EPB41L4A: variants seen among roughly 807,000 people sequenced by gnomAD.
EPB41L4A encodes the protein band 4.1-like protein 4A.
Under a neutral mutation model 108.6 loss-of-function variants are expected in EPB41L4A, and 100 were observed. That is an observed-to-expected ratio of 0.92 (90% CI 0.78 to 1.09). The LOEUF (loss-of-function observed/expected upper bound fraction) is 1.09. Ranked by LOEUF, EPB41L4A falls within the 50% of genes least tolerant of loss-of-function variation. The probability of loss-of-function intolerance (pLI) is 0.00; values close to 1 mark genes in which losing one functional copy is unlikely to be tolerated. For missense variants in EPB41L4A, 1,030 were observed against 842.7 expected (o/e 1.22, Z -2.75); for synonymous variants, 319 against 289.0 (o/e 1.10, Z -1.05).
At chr5:112,161,231 C>T (rs1759880542), downstream of EPB41L4A, 4 of 287,140 alleles carry the variant, frequency 1.4e-5, no homozygotes, top group Admixed American at 4.8e-5. Flanking sequence ...AACTTAAAAG[C>T]AGCGTGCCTG....
At chr5:112,179,658 A>G (rs1761047307) in intron 18 of EPB41L4A, among the ~76,000 whole-genome samples, 1 of 152,156 alleles carries the variant, frequency 6.6e-6, no homozygotes, top group Non-Finnish European at 1.5e-5. Context: ...CTCTTAGCAA[A>G]CTGGAAATAG....
chr5:112,371,492 A>C (rs1366686181), intron 1 of EPB41L4A, among the ~76,000 whole-genome samples: 2 of 152,146 alleles, frequency 1.3e-5, no homozygotes, highest in African/African-American at 4.8e-5. Context: ...TCCGTTCCTC[A>C]GAGGACTCAG....
At chr5:112,208,425 G>A (rs548661187) in intron 13 of EPB41L4A, among the ~76,000 whole-genome samples, 11 of 152,014 alleles carry the variant, frequency 7.2e-5, no homozygotes, top group African/African-American at 2.2e-4. Context: ...TGTCCTTTGC[G>A]GCAACACGGA....
intron 7 of EPB41L4A, among the ~76,000 whole-genome samples, chr5:112,261,550 T>C (rs1474784987): frequency 2.0e-5 from 3 of 152,216 alleles, no homozygotes; most frequent in Non-Finnish European, 2.9e-5. Context: ...CTCATTGACA[T>C]AGAATAATCA....
chr5:112,264,815 CATTCTAG>C, intron 6 of EPB41L4A, 74 bp downstream of exon 6: 1 of 1,358,954 alleles, frequency 7.4e-7, no homozygotes, highest in East Asian at 2.4e-5. Context: ...AAGAATTTAT[CATTCTAG>C]AAACTTTTCT....
chr5:112,214,683 G>A (rs568477421), intron 12 of EPB41L4A, among the ~76,000 whole-genome samples: 35 of 152,136 alleles, frequency 2.3e-4, no homozygotes, highest in Non-Finnish European at 3.2e-4. Context: ...GAAGAATGAC[G>A]TGAACTCAGG....
At chr5:112,410,057 G>A (rs1057250792) in intron 1 of EPB41L4A, among the ~76,000 whole-genome samples, 4 of 152,146 alleles carry the variant, frequency 2.6e-5, no homozygotes, top group African/African-American at 9.7e-5. Flanking sequence ...TCCGCATCAA[G>A]GAGAAGTCTT....
At chr5:112,390,796 G>C (rs1580813114) in intron 1 of EPB41L4A, among the ~76,000 whole-genome samples, 1 of 152,310 alleles carries the variant, frequency 6.6e-6, no homozygotes, top group Non-Finnish European at 1.5e-5. Flanking sequence ...CCTCCCAGTA[G>C]GGGCCAACTG....
intron 1 of EPB41L4A, among the ~76,000 whole-genome samples, chr5:112,390,877 G>A (rs997177695): frequency 5.3e-5 from 8 of 152,136 alleles, no homozygotes; most frequent in African/African-American, 1.9e-4. Context: ...AATATTTGCT[G>A]TTCTGCAATA....
At chr5:112,303,763 A>G (rs1754523918) in intron 2 of EPB41L4A, among the ~76,000 whole-genome samples, 1 of 152,164 alleles carries the variant, frequency 6.6e-6, no homozygotes, top group Non-Finnish European at 1.5e-5. Flanking sequence ...GCATGGTGAT[A>G]TGTTTAGGAA....
At chr5:112,266,009 A>C (rs913578617) in intron 5 of EPB41L4A, among the ~76,000 whole-genome samples, 11 of 152,338 alleles carry the variant, frequency 7.2e-5, no homozygotes, top group Non-Finnish European at 1.6e-4. Flanking sequence ...ATGCTATTCC[A>C]GTGACTAAAC....
chr5:112,142,245 C>A (rs1224591714), downstream of EPB41L4A, among the ~76,000 whole-genome samples: 4 of 152,308 alleles, frequency 2.6e-5, no homozygotes, highest in East Asian at 7.7e-4. Context: ...CACTGTCCTG[C>A]AGCTCTCTTT....
intron 4 of EPB41L4A, 69 bp downstream of exon 4, chr5:112,275,257 T>C (rs140839008): frequency 1.4e-6 from 2 of 1,470,678 alleles, no homozygotes; most frequent in East Asian, 5.2e-5. Flanking sequence ...CCAATTTTAA[T>C]TTGTTTTAAA....
intron 13 of EPB41L4A, among the ~76,000 whole-genome samples, chr5:112,145,198 G>T (rs191856626): frequency 2.6e-5 from 4 of 152,302 alleles, no homozygotes; most frequent in African/African-American, 9.6e-5. Context: ...GCTGAGGTGG[G>T]AGAATCACTT....
rs148979530 is a variant in EPB41L4A at position 112,400,768 on chromosome 5, T to C, written c.99+18173A>G. ...AATTTTGTTGTTCTAATTTAATGTA[T>C]GTTCATTTTGTATCCCCCACAACAG... On this transcript the variant is annotated intron_variant, in intron 1 of 22. Transcript: ENST00000261486. Among the ~76,000 whole-genome samples, 39 of 152,308 alleles carry C rather than the reference T, an allele frequency of 2.6e-4. No homozygotes were observed. In the East Asian group the frequency reaches 5.4e-3, roughly 21 times the overall value.
chr5:112,171,606 T>C (rs1760585759), intron 18 of EPB41L4A, among the ~76,000 whole-genome samples: 1 of 152,250 alleles, frequency 6.6e-6, no homozygotes, highest in African/African-American at 2.4e-5. Flanking sequence ...TCTGCAAATC[T>C]TTTCTCCAAG....
At chr5:112,300,588 C>G (rs1382226250) in intron 2 of EPB41L4A, among the ~76,000 whole-genome samples, 1 of 152,080 alleles carries the variant, frequency 6.6e-6, no homozygotes, top group East Asian at 1.9e-4. Context: ...GATTCTTTCC[C>G]TCATCTTAAC....
chr5:112,266,300 A>T lies in EPB41L4A; in HGVS notation c.366T>A (p.Asp122Glu), dbSNP rs1244549994. ...GACAGGGCAGACGGCCCTGAAGGAC[A>T]TCTTGCTTCACCTGCAAGAAAAACT... is the stretch of plus-strand genomic sequence containing the variant. ...RYQFFLQVKQ[D>E]VLQGRLPCPV... The change falls in exon 5 of 23, where the codon GAT becomes GAA. Residue 122 changes from aspartate (D) to glutamate (E), a missense_variant. Coordinates refer to ENST00000261486, the MANE Select transcript of EPB41L4A (RefSeq NM_022140.5). The T allele has an allele frequency of 6.2e-7, 1 of 1,608,322 alleles. No homozygotes were observed. Among genetic ancestry groups the T allele is most frequent in the Non-Finnish European group, 8.5e-7 (1 of 1,177,650 alleles).
intron 1 of EPB41L4A, among the ~76,000 whole-genome samples, chr5:112,319,195 A>T (rs1202336044): frequency 6.6e-6 from 1 of 152,248 alleles, no homozygotes; most frequent in Admixed American, 6.5e-5. Context: ...GCATTTCAAA[A>T]GAACATTTCA....
Sources: allele counts gnomAD v4.1 joint callset (sites outside exome capture counted in the v4.1 genomes callset), GRCh38; gene constraint gnomAD v4.1.1; transcripts MANE v1.5; gene names NCBI Gene and HGNC (gene_info 2026-07-23, HGNC 2026-07-21).